PLEKHJ1: variants seen among roughly 807,000 people sequenced by gnomAD.
The protein encoded by PLEKHJ1 is pleckstrin homology domain-containing family J member 1.
A neutral mutation model predicts 21.7 loss-of-function variants in PLEKHJ1; 20 were observed. The ratio of observed to expected loss-of-function variants is 0.92; its 90% CI spans 0.65 to 1.34. The LOEUF is 1.34. PLEKHJ1 is among the 40% of genes most tolerant of loss of function. The probability of loss-of-function intolerance (pLI) is 0.00; values close to 1 mark genes in which losing one functional copy is unlikely to be tolerated. For synonymous variants in PLEKHJ1, 113 were observed against 80.6 expected (o/e 1.40, Z -2.15); for missense variants, 241 against 202.0 (o/e 1.19, Z -1.17).
Position 2,235,364 on chromosome 19 carries a change from C to T in PLEKHJ1, c.229+398G>A, listed in dbSNP as rs192474425. On this transcript the variant is annotated intron_variant, in intron 3 of 5. Coordinates refer to ENST00000326631, the MANE Select transcript of PLEKHJ1 (RefSeq NM_018049.3). ...CCGCAGAAGGGAATCTCTTAAGACC[C>T]AGGAGAACACCCCCCTCTCACTCCT... is the stretch of plus-strand genomic sequence containing the variant. The T allele has an allele frequency of 3.5e-5, 7 of 200,614 alleles. No individual in the cohort carries two copies. In the East Asian group the frequency reaches 7.3e-4, roughly 21 times the overall value. The allele number at this position is 200,614 out of a possible 1,614,324, so 12.4% of individuals were successfully genotyped here.
chr19:2,236,243 C>G lies in PLEKHJ1; in HGVS notation c.6G>C (p.Arg2=). M[R]YNEKELQALS... ...GAGCCTGCAGCTCCTTCTCGTTGTACCGCATGGCTCCGCGGGGAACGGGAA... is the reference window on the plus strand; with the variant it reads ...GAGCCTGCAGCTCCTTCTCGTTGTAGCGCATGGCTCCGCGGGGAACGGGAA... The change falls in exon 1 of 6, where the codon CGG becomes CGC. Residue 2 remains arginine, a synonymous_variant. Transcript: ENST00000326631. 7.1e-7 allele frequency: 1 copy of G among 1,412,214 alleles called. No homozygotes were observed. The highest frequency in any genetic ancestry group is 3.0e-5 in the East Asian group (1 of 33,100). 87.5% of individuals were successfully genotyped at this position (1,412,214 alleles called of 1,614,324 possible). A position where few individuals can be genotyped will look rare whatever the true frequency, so the allele number is the denominator to read the frequency against.
rs912076808 is a variant in PLEKHJ1 at position 2,233,986 on chromosome 19, C to A, written c.384+12G>T. ...GCAGCCCCACCCCGGCCCTCTGCAG[C>A]CCTGCACACACCTTGCCCGTCACCT... On this transcript the variant is annotated intron_variant, in intron 5 of 5. Transcript: ENST00000326631. 6.2e-7 allele frequency: 1 copy of A among 1,612,798 alleles called. No individual in the cohort carries two copies. The highest frequency in any genetic ancestry group is 8.5e-7 in the Non-Finnish European group (1 of 1,179,838).
At chr19:2,236,067 C>A in intron 1 of PLEKHJ1, 77 bp from the exon 2 acceptor site, 2 of 1,437,556 alleles carry the variant, frequency 1.4e-6, no homozygotes, top group Non-Finnish European at 1.8e-6. Context: ...GCGCCCCGAC[C>A]CGGACTCCGG....
Position 2,235,958 on chromosome 19 carries a change from T to A in PLEKHJ1, c.127A>T (p.Asn43Tyr), listed in dbSNP as rs571421256. Residue 43 changes from asparagine (N) to tyrosine (Y), a missense_variant, in exon 2 of 6, where the codon AAT (asparagine) becomes TAT (tyrosine). Physicochemically the swap from Asn to Tyr is moderately radical, Grantham distance 143 (BLOSUM62 -2). Coordinates refer to ENST00000326631, the MANE Select transcript of PLEKHJ1 (RefSeq NM_018049.3). ...TCTGTCCGAAAGTAGAAGAGGAAAT[T>A]CACCACCAGCTTCACCAGCCGCCGC... ...LKRRLVKLVVNFLFYFRTDEA... is the reference protein window; with the variant it reads ...LKRRLVKLVVYFLFYFRTDEA... 1.2e-6 allele frequency: 2 copies of A among 1,610,386 alleles called. No individual in the cohort carries two copies. Among genetic ancestry groups the A allele is most frequent in the South Asian group, 2.2e-5 (2 of 90,946 alleles).
downstream of PLEKHJ1, chr19:2,230,869 C>T (rs113920859): frequency 3.6e-4 from 124 of 340,068 alleles, no homozygotes; most frequent in African/African-American, 2.2e-3. Context: ...GCCTGCCCCA[C>T]ATCCCTTCCT....
Position 2,236,272 on chromosome 19 carries a change from G to C in PLEKHJ1, c.-24C>G, listed in dbSNP as rs1402848349. 20 of 1,336,662 alleles carry C rather than the reference G, an allele frequency of 1.5e-5. No individual in the cohort carries two copies. Among genetic ancestry groups the C allele is most frequent in the Non-Finnish European group, 1.8e-5 (19 of 1,039,928 alleles). 82.8% of individuals were successfully genotyped at this position (1,336,662 alleles called of 1,614,324 possible). A position where few individuals can be genotyped will look rare whatever the true frequency, so the allele number is the denominator to read the frequency against. On this transcript the variant is annotated 5_prime_UTR_variant, in exon 1 of 6. Coordinates refer to ENST00000326631, the MANE Select transcript of PLEKHJ1 (RefSeq NM_018049.3). ...ATGGCTCCGCGGGGAACGGGAACCC[G>C]GGCCGCGCCCTCCCGGCCGCCGTCC...
chr19:2,230,071 G>A (rs1160439233), downstream of PLEKHJ1: 1 of 600,602 alleles, frequency 1.7e-6, no homozygotes, highest in African/African-American at 1.9e-5. Context: ...AACTTATTGA[G>A]AAATATAAAT....
intron 3 of PLEKHJ1, chr19:2,235,435 T>A: frequency 5.2e-6 from 2 of 388,082 alleles, no homozygotes; most frequent in Admixed American, 8.4e-5. Context: ...ATAACAATGC[T>A]AGACCCATGC....
chr19:2,232,039 T>G (rs1360963095), downstream of PLEKHJ1: 1 of 209,394 alleles, frequency 4.8e-6, no homozygotes, highest in Non-Finnish European at 9.7e-6. Context: ...ACTCCCAGAC[T>G]GAGGGGTGGT....
intron 3 of PLEKHJ1, chr19:2,235,405 G>C (rs542710373): frequency 3.9e-6 from 1 of 255,168 alleles, no homozygotes; most frequent in Non-Finnish European, 7.4e-6. Context: ...CCCCACCTGG[G>C]ATTTCCAGCC....
At position 2,235,755 on chromosome 19, in the gene PLEKHJ1, C is replaced by CT; in HGVS notation, c.229+6_229+7insA. ...GAAGCGCCGCTGGCTTCCCTAGCCC[C>CT]ACTCACTGATGGAGAAGGTGCCGGG... On this transcript the variant is annotated splice_region_variant and intron_variant, in intron 3 of 5. Coordinates refer to ENST00000326631, the MANE Select transcript of PLEKHJ1 (RefSeq NM_018049.3). The CT allele has an allele frequency of 6.5e-7, 1 of 1,548,080 alleles. No individual in the cohort carries two copies. The highest frequency in any genetic ancestry group is 1.2e-5 in the South Asian group (1 of 83,994).
At chr19:2,231,030 C>T (rs908312736), downstream of PLEKHJ1, 7 of 236,312 alleles carry the variant, frequency 3.0e-5, no homozygotes, top group East Asian at 1.2e-4. Flanking sequence ...GCAGCCTTGG[C>T]GGGTGCCTGG....
chr19:2,230,711 G>A (rs567469436), downstream of PLEKHJ1: 1 of 397,766 alleles, frequency 2.5e-6, no homozygotes, highest in African/African-American at 2.1e-5. Context: ...ATTTTTAGAT[G>A]GTATAATGCA....
rs955820881 is a variant in PLEKHJ1 at position 2,235,680 on chromosome 19, G to A, written c.229+82C>T. ...AGGCTGGGGACACAGAGGAGACCTT[G>A]GGCGCCCGGGGAGGGGAAAGTGCGG... On this transcript the variant is annotated intron_variant, in intron 3 of 5. Coordinates refer to ENST00000326631, the MANE Select transcript of PLEKHJ1 (RefSeq NM_018049.3). The A allele has an allele frequency of 7.0e-6, 9 of 1,284,522 alleles. 1 individual carries two copies. In the Admixed American group the frequency reaches 1.8e-4, roughly 25 times the overall value. The allele number at this position is 1,284,522 out of a possible 1,614,324, so 79.6% of individuals were successfully genotyped here.
Position 2,234,226 on chromosome 19 carries a change from G to A in PLEKHJ1, c.244C>T (p.Pro82Ser), listed in dbSNP as rs11548483. The change falls in exon 4 of 6, where the codon CCT becomes TCT. Residue 82 changes from proline (P) to serine (S), a missense_variant. By Grantham distance (74) the Pro-to-Ser change is moderately conservative (BLOSUM62 -1). Coordinates refer to ENST00000326631, the MANE Select transcript of PLEKHJ1 (RefSeq NM_018049.3). ...GTFSISFIED[P>S]ERKYHFECSS... is the part of the protein sequence containing the mutation. ...CACTCAAAGTGATACTTCCTCTCAG[G>A]GTCCTCAATGAAGCCTGGGGATGGA... 9.9e-6 allele frequency: 16 copies of A among 1,612,566 alleles called. No homozygotes were observed. The highest frequency in any genetic ancestry group is 1.4e-5 in the Non-Finnish European group (16 of 1,179,720).
chr19:2,234,514 C>A, intron 3 of PLEKHJ1: 1 of 413,014 alleles, frequency 2.4e-6, no homozygotes, highest in Non-Finnish European at 4.4e-6. Flanking sequence ...AGTTCGAGAC[C>A]AGCCTGGGTG....
rs200815516 is a variant in PLEKHJ1 at position 2,233,882 on chromosome 19, T to C, written c.408A>G (p.Ile136Met). ...TCAGCTGGAACCTGGCCTCCTCGGA[T>C]ATGCCGAACTGTTCCAGGGGGTCCT... ...TGKDPLEQFG[I>M]SEEARFQLSG... Residue 136 changes from isoleucine (I) to methionine (M), a missense_variant, in exon 6 of 6, where the codon ATA becomes ATG. By Grantham distance (10) the Ile-to-Met change is conservative. Coordinates refer to ENST00000326631, the MANE Select transcript of PLEKHJ1 (RefSeq NM_018049.3). The C allele has an allele frequency of 9.3e-6, 15 of 1,612,456 alleles. No individual in the cohort carries two copies. The Admixed American group carries it at 1.3e-4, about 14-fold the overall frequency.
In PLEKHJ1 at chr19:2,234,135, A is replaced by G. The variant is rs201997689; in HGVS notation, c.320+15T>C. The G allele has an allele frequency of 4.0e-4, 647 of 1,612,054 alleles. 4 individuals carry two copies. The African/African-American group carries it at 7.9e-3, about 20-fold the overall frequency. On this transcript the variant is annotated intron_variant, in intron 4 of 5. Transcript: ENST00000326631. ...TGTGCCCACCCCAGCAGTGCCCACC[A>G]CCGCCTGGCCCCACCTGGCCCGACG...
intron 3 of PLEKHJ1, 78 bp downstream of exon 3, chr19:2,235,684 G>T (rs2024783124): frequency 7.5e-7 from 1 of 1,327,530 alleles, no homozygotes; most frequent in Non-Finnish European, 1.0e-6. Flanking sequence ...GACCTTGGGC[G>T]CCCGGGGAGG....
Sources: allele counts gnomAD v4.1 joint callset, GRCh38; gene constraint gnomAD v4.1.1; transcripts MANE v1.5; gene names NCBI Gene and HGNC (gene_info 2026-07-23, HGNC 2026-07-21).